The following ARHGEF28 variants were observed in gnomAD, a reference collection of about 807,000 sequenced individuals.
The protein encoded by ARHGEF28 is 190 kDa guanine nucleotide exchange factor.
ARHGEF28 carries 152 observed loss-of-function variants against 206.6 expected under a neutral mutation model. The ratio of observed to expected loss-of-function variants is 0.74; its 90% CI spans 0.64 to 0.84. The LOEUF (loss-of-function observed/expected upper bound fraction) is 0.84, where lower values mean the gene tolerates loss of function less well. Ranked by LOEUF, ARHGEF28 falls within the 40% of genes least tolerant of loss-of-function variation. The pLI, the probability that ARHGEF28 is intolerant of heterozygous loss-of-function variation, is 0.00. For synonymous variants in ARHGEF28, 763 were observed against 776.4 expected, an observed-to-expected ratio of 0.98 and a Z score of 0.29; for missense variants, 2,028 against 2,073.2, an observed-to-expected ratio of 0.98 and a Z score of 0.42.
intron 21 of ARHGEF28, among the ~76,000 whole-genome samples, chr5:73,871,175 C>T (rs546811152): frequency 6.6e-6 from 1 of 152,228 alleles, no homozygotes; most frequent in Non-Finnish European, 1.5e-5. Flanking sequence ...GTATTCTAAC[C>T]CATTGGGTTG....
chr5:73,923,292 A>AT, intron 35 of ARHGEF28: 1 of 814,716 alleles, frequency 1.2e-6, no homozygotes, highest in South Asian at 2.2e-5. Context: ...GGTAAAAAAA[A>AT]ATCAAATACT....
At chr5:73,681,147 A>G (rs1257323965) in intron 1 of ARHGEF28, among the ~76,000 whole-genome samples, 6 of 151,688 alleles carry the variant, frequency 4.0e-5, no homozygotes, top group Non-Finnish European at 8.8e-5. Flanking sequence ...ATTATGTACA[A>G]AAATACATAA....
intron 2 of ARHGEF28, among the ~76,000 whole-genome samples, chr5:73,707,113 G>C (rs532219640): frequency 6.6e-6 from 1 of 152,268 alleles, no homozygotes; most frequent in Non-Finnish European, 1.5e-5. Flanking sequence ...CCCTTGGACT[G>C]TGTGGCTGCC....
At chr5:73,884,197 T>G (rs1487415831) in intron 24 of ARHGEF28, among the ~76,000 whole-genome samples, 2 of 152,180 alleles carry the variant, frequency 1.3e-5, no homozygotes, top group African/African-American at 2.4e-5. Context: ...ATTTTCCTAT[T>G]ACCTTCACAA....
At chr5:73,757,526 T>C (rs1752382330) in intron 4 of ARHGEF28, among the ~76,000 whole-genome samples, 1 of 152,172 alleles carries the variant, frequency 6.6e-6, no homozygotes, top group Non-Finnish European at 1.5e-5. Context: ...TTTTCCCTTG[T>C]CAATCATTGA....
At chr5:73,822,442 A>C (rs1206552083) in intron 9 of ARHGEF28, among the ~76,000 whole-genome samples, 1 of 152,222 alleles carries the variant, frequency 6.6e-6, no homozygotes, top group Non-Finnish European at 1.5e-5. Context: ...GAGTTACTTT[A>C]GCTTACATAT....
chr5:73,921,473 T>A (rs914597144), intron 35 of ARHGEF28, among the ~76,000 whole-genome samples: 3 of 151,638 alleles, frequency 2.0e-5, no homozygotes, highest in African/African-American at 7.2e-5. Flanking sequence ...TCTTTCTGGA[T>A]AAGATATTAA....
intron 23 of ARHGEF28, among the ~76,000 whole-genome samples, chr5:73,883,188 T>C (rs1298754096): frequency 6.6e-6 from 1 of 152,164 alleles, no homozygotes; most frequent in African/African-American, 2.4e-5. Context: ...TCTGATTTAT[T>C]TGTTGAAGAA....
chr5:73,742,687 G>A lies in ARHGEF28; in HGVS notation c.34-7150G>A, dbSNP rs571642637. ...AAAATACAAAAACTTAGCCGGGCGC[G>A]GTGGCGGGCGCCTGTAGTCCCAGCT... is the stretch of plus-strand genomic sequence containing the variant. On this transcript the variant is annotated intron_variant, in intron 2 of 35. Transcript: ENST00000513042. Among the ~76,000 whole-genome samples the A allele has an allele frequency of 5.3e-5, 8 of 150,840 alleles. No homozygotes were observed. In the East Asian group the frequency reaches 1.4e-3, roughly 26 times the overall value.
intron 9 of ARHGEF28, among the ~76,000 whole-genome samples, chr5:73,819,303 A>G (rs1488242263): frequency 6.6e-6 from 1 of 152,154 alleles, no homozygotes; most frequent in Non-Finnish European, 1.5e-5. Context: ...TGGTCCCTCC[A>G]TTACTCTGGC....
intron 1 of ARHGEF28, among the ~76,000 whole-genome samples, chr5:73,665,643 G>A (rs1745903717): frequency 6.6e-6 from 1 of 152,178 alleles, no homozygotes; most frequent in Non-Finnish European, 1.5e-5. Flanking sequence ...GGGCAAGAGA[G>A]CATGAGAGAG....
chr5:73,633,513 T>C (rs1486695412), intron 1 of ARHGEF28, among the ~76,000 whole-genome samples: 1 of 151,834 alleles, frequency 6.6e-6, no homozygotes, highest in Non-Finnish European at 1.5e-5. Context: ...AGATAGTCTA[T>C]ATAAAGTGTT....
intron 7 of ARHGEF28, among the ~76,000 whole-genome samples, chr5:73,793,703 T>C (rs1754619107): frequency 6.6e-6 from 1 of 152,168 alleles, no homozygotes; most frequent in Admixed American, 6.5e-5. Context: ...TTGGTGGTTA[T>C]TTCGACAATA....
intron 7 of ARHGEF28, among the ~76,000 whole-genome samples, chr5:73,788,134 G>A (rs75327385): frequency 1.2e-3 from 186 of 151,844 alleles, no homozygotes; most frequent in Middle Eastern, 3.4e-3. Flanking sequence ...AGAAAAAAAA[G>A]TATTAAACTC....
rs80272358 is a variant in ARHGEF28 at position 73,912,329 on chromosome 5, G to A, written c.4948+754G>A. ...TAAACAAATGGCTGGCCACATGGATGTGAAATAAATCACCCACAGCAAAAT... is the reference window on the plus strand; with the variant it reads ...TAAACAAATGGCTGGCCACATGGATATGAAATAAATCACCCACAGCAAAAT... On this transcript the variant is annotated intron_variant, in intron 35 of 35. Transcript: ENST00000513042. Among the ~76,000 whole-genome samples, 614 of 152,322 alleles carry A rather than the reference G, an allele frequency of 4.0e-3. 27 individuals carry two copies. The East Asian group carries it at 0.099, about 25-fold the overall frequency.
chr5:73,821,684 C>T (rs1437236112), intron 9 of ARHGEF28, among the ~76,000 whole-genome samples: 1 of 151,906 alleles, frequency 6.6e-6, no homozygotes, highest in East Asian at 1.9e-4. Context: ...TTAGGTTCTT[C>T]CCCTCTCGGT....
At chr5:73,904,021 G>A (rs1580076891) in intron 31 of ARHGEF28, 12 of 572,414 alleles carry the variant, frequency 2.1e-5, no homozygotes, top group East Asian at 5.8e-5. Flanking sequence ...TCGACTTTGC[G>A]TGAAGGACGC....
chr5:73,791,479 C>T (rs1425952020), intron 7 of ARHGEF28, among the ~76,000 whole-genome samples: 3 of 152,216 alleles, frequency 2.0e-5, no homozygotes, highest in African/African-American at 4.8e-5. Flanking sequence ...CAAGACAACA[C>T]TGGTGGTCTG....
chr5:73,809,234 T>C (rs1271025029), intron 9 of ARHGEF28, among the ~76,000 whole-genome samples: 1 of 151,204 alleles, frequency 6.6e-6, no homozygotes, highest in African/African-American at 2.5e-5. Context: ...AAAAACTGTT[T>C]CAGTGTCTAT....
Sources: gnomAD v4.1 joint callset for allele counts (sites outside exome capture counted in the v4.1 genomes callset) on GRCh38, gnomAD v4.1.1 for gene constraint, MANE v1.5 for transcripts, NCBI Gene and HGNC (gene_info 2026-07-23, HGNC 2026-07-21) for gene names.